Variants in FANCC observed in about 807,000 individuals in gnomAD.
The protein encoded by FANCC is FA complementation group C.
Under a neutral mutation model 71.3 loss-of-function variants are expected in FANCC, and 55 were observed. That is an observed-to-expected ratio of 0.77 (90% CI 0.62 to 0.97). FANCC has a LOEUF of 0.97. Ranked by LOEUF, FANCC falls within the 50% of genes least tolerant of loss-of-function variation. The pLI, the probability that FANCC is intolerant of heterozygous loss-of-function variation, is 0.00. For missense variants in FANCC, 678 were observed against 670.9 expected, an observed-to-expected ratio of 1.01 and a Z score of -0.12; for synonymous variants, 275 against 244.9, an observed-to-expected ratio of 1.12 and a Z score of -1.15.
At chr9:95,280,805 G>A (rs946089193) in intron 1 of FANCC, among the ~76,000 whole-genome samples, 3 of 152,128 alleles carry the variant, frequency 2.0e-5, no homozygotes, top group Non-Finnish European at 4.4e-5. Flanking sequence ...CTTCAATAAA[G>A]TAGAGAAAAA....
chr9:95,162,014 G>C lies in FANCC; in HGVS notation c.521+9065C>G, dbSNP rs540989688. On this transcript the variant is annotated intron_variant, in intron 6 of 14. Coordinates refer to ENST00000289081, the MANE Select transcript of FANCC (RefSeq NM_000136.3). The stretch of plus-strand genomic sequence containing the variant: ...CCGCCACCACACCCATCTAATTTTT[G>C]TATTTTTAGTAGAGATGGAGTTTCG... Among the ~76,000 whole-genome samples, 5 of 152,104 alleles carry C rather than the reference G, an allele frequency of 3.3e-5. No homozygotes were observed. In the South Asian group the frequency reaches 1.0e-3, roughly 32 times the overall value.
At chr9:95,297,608 G>C (rs1414660704) in intron 1 of FANCC, among the ~76,000 whole-genome samples, 1 of 152,184 alleles carries the variant, frequency 6.6e-6, no homozygotes, top group Non-Finnish European at 1.5e-5. Context: ...ATTTGTGTAA[G>C]ATTCATCAGA....
chr9:95,233,499 CAAG>C (rs1376882022), intron 4 of FANCC, among the ~76,000 whole-genome samples: 2 of 151,964 alleles, frequency 1.3e-5, no homozygotes, highest in African/African-American at 4.8e-5. Context: ...AAAACCATTC[CAAG>C]GAGAGGAAAG....
At chr9:95,121,000 G>A (rs773398619) in intron 10 of FANCC, among the ~76,000 whole-genome samples, 1 of 152,154 alleles carries the variant, frequency 6.6e-6, no homozygotes, top group African/African-American at 2.4e-5. Context: ...AGGGCAGCTG[G>A]GGGGAGGCAG....
chr9:95,114,362 A>T (rs2072219312), intron 12 of FANCC: 1 of 488,936 alleles, frequency 2.0e-6, no homozygotes. Context: ...TATATTTCAA[A>T]ATCTAAAACC....
chr9:95,231,476 G>A (rs1346756265), intron 4 of FANCC, among the ~76,000 whole-genome samples: 1 of 152,146 alleles, frequency 6.6e-6, no homozygotes, highest in Non-Finnish European at 1.5e-5. Context: ...CCTGGGATTC[G>A]AATGGCAGGC....
chr9:95,121,047 T>C (rs1025931931), intron 10 of FANCC, among the ~76,000 whole-genome samples: 1 of 152,214 alleles, frequency 6.6e-6, no homozygotes, highest in Non-Finnish European at 1.5e-5. Context: ...AAAGGGCTGA[T>C]GGCCTCCAGT....
chr9:95,256,299 C>T (rs970918405), intron 1 of FANCC, among the ~76,000 whole-genome samples: 7 of 152,288 alleles, frequency 4.6e-5, no homozygotes, highest in South Asian at 2.1e-4. Context: ...AGAGAAAGGT[C>T]GGGTTACCCA....
intron 14 of FANCC, among the ~76,000 whole-genome samples, chr9:95,105,759 C>T (rs1050264807): frequency 6.6e-6 from 1 of 152,242 alleles, no homozygotes; most frequent in African/African-American, 2.4e-5. Context: ...CTTATTTCAA[C>T]AGCACAGTGT....
chr9:95,244,713 A>C (rs887600651), intron 3 of FANCC, among the ~76,000 whole-genome samples: 68 of 133,740 alleles, frequency 5.1e-4, no homozygotes, highest in African/African-American at 1.8e-3. Context: ...AAAAAAAAAA[A>C]CCCAACACTT....
At chr9:95,278,936 A>G (rs1306772886) in intron 1 of FANCC, among the ~76,000 whole-genome samples, 2 of 152,166 alleles carry the variant, frequency 1.3e-5, no homozygotes, top group Admixed American at 1.3e-4. Flanking sequence ...CTGTAATCCC[A>G]GCACTTTGAG....
chr9:95,282,270 T>G (rs1295836024), intron 1 of FANCC, among the ~76,000 whole-genome samples: 2 of 152,128 alleles, frequency 1.3e-5, no homozygotes, highest in Admixed American at 1.3e-4. Flanking sequence ...TTATATCAGA[T>G]AAAATAGACT....
At chr9:95,253,207 T>C (rs970054644) in intron 1 of FANCC, among the ~76,000 whole-genome samples, 6 of 152,158 alleles carry the variant, frequency 3.9e-5, no homozygotes, top group African/African-American at 1.4e-4. Flanking sequence ...GGTGAAAACA[T>C]GGTGCTGTAG....
intron 4 of FANCC, among the ~76,000 whole-genome samples, chr9:95,214,409 G>T (rs1828719395): frequency 6.6e-6 from 1 of 152,102 alleles, no homozygotes; most frequent in Admixed American, 6.5e-5. Context: ...TCTAGCCTGG[G>T]AAACACAGCA....
intron 4 of FANCC, among the ~76,000 whole-genome samples, chr9:95,208,489 G>A (rs1264611740): frequency 6.6e-6 from 1 of 152,088 alleles, no homozygotes; most frequent in African/African-American, 2.4e-5. Flanking sequence ...AAAAGCCACA[G>A]AGTAGGAGAA....
At chr9:95,272,173 C>T (rs1466243188) in intron 1 of FANCC, among the ~76,000 whole-genome samples, 1 of 151,618 alleles carries the variant, frequency 6.6e-6, no homozygotes, top group Non-Finnish European at 1.5e-5. Context: ...CTCCTGACCT[C>T]GTGATTCGCC....
chr9:95,237,640 C>A (rs561984341), intron 4 of FANCC, among the ~76,000 whole-genome samples: 1 of 152,198 alleles, frequency 6.6e-6, no homozygotes, highest in African/African-American at 2.4e-5. Flanking sequence ...AATTTAAATA[C>A]CGATACTTGA....
chr9:95,104,840 G>T (rs1446542203), intron 14 of FANCC, among the ~76,000 whole-genome samples: 2 of 152,120 alleles, frequency 1.3e-5, no homozygotes, highest in African/African-American at 4.8e-5. Flanking sequence ...ACAGGGCAGG[G>T]CTGACCATCT....
chr9:95,182,996 G>A (rs1207151198), intron 4 of FANCC, among the ~76,000 whole-genome samples: 1 of 151,974 alleles, frequency 6.6e-6, no homozygotes, highest in African/African-American at 2.4e-5. Flanking sequence ...GCCTCAGCCC[G>A]CCTGCGCAAA....
Sources: gnomAD v4.1 joint callset for allele counts (sites outside exome capture counted in the v4.1 genomes callset) on GRCh38, gnomAD v4.1.1 for gene constraint, MANE v1.5 for transcripts, NCBI Gene and HGNC (gene_info 2026-07-23, HGNC 2026-07-21) for gene names.